The following UHRF2 variants were observed in gnomAD, a reference collection of about 807,000 sequenced individuals.
The protein encoded by UHRF2 is ubiquitin like with PHD and ring finger domains 2.
A neutral mutation model predicts 96.8 loss-of-function variants in UHRF2; 23 were observed. That is an observed-to-expected ratio of 0.24 (90% confidence interval 0.17 to 0.34). UHRF2 has a LOEUF of 0.34. Among genes scored for constraint, UHRF2 ranks in the 10% least tolerant of loss-of-function variants. The pLI, the probability that UHRF2 is intolerant of heterozygous loss-of-function variation, is 1.00. For synonymous variants in UHRF2, 385 were observed against 332.6 expected (o/e 1.16, Z -1.72); for missense variants, 685 against 981.5 (o/e 0.70, Z 4.04).
chr9:6,491,226 CTGTT>C (rs1045980663), intron 9 of UHRF2, among the ~76,000 whole-genome samples: 2 of 152,170 alleles, frequency 1.3e-5, no homozygotes, highest in African/African-American at 4.8e-5. Context: ...AAGCCAGAGT[CTGTT>C]TGGTTTTGTG....
chr9:6,424,691 C>T (rs922653585), intron 2 of UHRF2, among the ~76,000 whole-genome samples: 6 of 150,826 alleles, frequency 4.0e-5, no homozygotes, highest in Non-Finnish European at 8.8e-5. Context: ...CTCATGTCCT[C>T]TTTTTGTTCC....
rs2130983673 is a variant in UHRF2 at position 6,506,014 on chromosome 9, GT to G, written c.2263-14del. The G allele has an allele frequency of 6.2e-7, 1 of 1,613,580 alleles. No individual in the cohort carries two copies. The highest frequency in any genetic ancestry group is 8.5e-7 in the Non-Finnish European group (1 of 1,179,842). On this transcript the variant is annotated intron_variant, in intron 15 of 15. Coordinates refer to ENST00000276893, the MANE Select transcript of UHRF2 (RefSeq NM_152896.3). ...GCTTTATGCTCAGATTAAATTGGAT[GT>G]TTTTGTTTTTACCATAGGATTGCCT...
chr9:6,449,628 T>C (rs1284166322), intron 3 of UHRF2: 1 of 152,260 alleles, frequency 6.6e-6, no homozygotes, highest in Non-Finnish European at 1.5e-5. Context: ...GGGTTGGCCC[T>C]GGCCTGCTGT....
intron 2 of UHRF2, chr9:6,423,114 A>G (rs1440643790): frequency 6.5e-6 from 1 of 152,990 alleles, no homozygotes; most frequent in East Asian, 1.9e-4. Context: ...AAATTACTCA[A>G]GATTATTCAA....
chr9:6,500,085 A>C (rs537534846), intron 13 of UHRF2, among the ~76,000 whole-genome samples, 154 bp downstream of exon 13: 1 of 151,902 alleles, frequency 6.6e-6, no homozygotes, highest in Non-Finnish European at 1.5e-5. Context: ...CGATCCACCT[A>C]CCTCAACCTC....
chr9:6,487,410 A>G (rs1563799541), intron 9 of UHRF2, among the ~76,000 whole-genome samples: 1 of 151,958 alleles, frequency 6.6e-6, no homozygotes, highest in Non-Finnish European at 1.5e-5. Flanking sequence ...CTTGTCACCT[A>G]GACTGGAGTT....
chr9:6,487,182 C>CTTTTTTTTTTT lies in UHRF2; in HGVS notation c.1497+272_1497+282dup, dbSNP rs1171978950. Among the ~76,000 whole-genome samples the CTTTTTTTTTTT allele has an allele frequency of 4.2e-4, 29 of 69,582 alleles. 1 individual carries two copies. Among genetic ancestry groups the CTTTTTTTTTTT allele is most frequent in the South Asian group, 1.3e-3 (2 of 1,500 alleles). 45.6% of individuals were successfully genotyped at this position (69,582 alleles called of 152,430 possible). On this transcript the variant is annotated intron_variant, in intron 9 of 15. Coordinates refer to ENST00000276893, the MANE Select transcript of UHRF2 (RefSeq NM_152896.3). ...TCTATAGAGCTTTTATTTTTTTTTC[C>CTTTTTTTTTTT]TTTTTTTTTTTTTTTTTTTTTTTTT...
rs745949113 is a variant in UHRF2 at position 6,460,672 on chromosome 9, A to C, written c.744A>C (p.Val248=). Residue 248 remains valine, a synonymous_variant, in exon 4 of 16, where the codon GTA becomes GTC. Coordinates refer to ENST00000276893, the MANE Select transcript of UHRF2 (RefSeq NM_152896.3). ...KWNELNVGDV[V]MVNYNVESPG... The stretch of plus-strand genomic sequence containing the variant: ...ATGAACTAAATGTTGGTGATGTGGT[A>C]ATGGTTAATTATAATGTAGAAAGTC... 2.5e-6 allele frequency: 4 copies of C among 1,613,796 alleles called. No individual in the cohort carries two copies. The Admixed American group carries it at 6.7e-5, about 27-fold the overall frequency.
intron 6 of UHRF2, 135 bp downstream of exon 6, chr9:6,477,943 C>A: frequency 1.4e-6 from 1 of 697,752 alleles, no homozygotes; most frequent in Non-Finnish European, 2.3e-6. Context: ...GGTTACTTAG[C>A]ATTCATAGCT....
chr9:6,441,638 TTAAC>T (rs1269233505), intron 3 of UHRF2, among the ~76,000 whole-genome samples: 1 of 152,078 alleles, frequency 6.6e-6, no homozygotes, highest in African/African-American at 2.4e-5. Flanking sequence ...ATATGACAGT[TTAAC>T]TAAATATATT....
intron 6 of UHRF2, 140 bp downstream of exon 6, chr9:6,477,948 A>G (rs906278733): frequency 8.8e-6 from 6 of 680,656 alleles, no homozygotes; most frequent in Admixed American, 6.5e-5. Context: ...CTTAGCATTC[A>G]TAGCTCTATT....
chr9:6,451,773 T>TTTGTTGTTGTTG (rs1168664809), intron 3 of UHRF2, among the ~76,000 whole-genome samples: 71,932 of 148,634 alleles, frequency 0.48, 18,384 homozygotes, highest in East Asian at 0.57. Context: ...GCCCGGCCTG[T>TTTGTTGTTGTTG]TTGTTGTTGT....
chr9:6,413,775 C>A (rs898786609), intron 1 of UHRF2, 132 bp downstream of exon 1: 15 of 1,187,128 alleles, frequency 1.3e-5, no homozygotes, highest in Non-Finnish European at 1.6e-5. Flanking sequence ...GTGGGCAGCC[C>A]CCGCGAGGCG....
chr9:6,416,188 C>G (rs1002170970), intron 1 of UHRF2, among the ~76,000 whole-genome samples: 1 of 152,142 alleles, frequency 6.6e-6, no homozygotes, highest in African/African-American at 2.4e-5. Context: ...CGCAGTCTCC[C>G]AAGTAGCTGG....
At chr9:6,487,177 T>TATTTTTTATTTTTATTTTTTA (rs371548870) in intron 9 of UHRF2, among the ~76,000 whole-genome samples, 1 of 144,400 alleles carries the variant, frequency 6.9e-6, no homozygotes, top group African/African-American at 2.6e-5. Context: ...TTTTATTTTT[T>TATTTTTTATTTTTATTTTTTA]TTTCCTTTTT....
intron 3 of UHRF2, among the ~76,000 whole-genome samples, chr9:6,443,523 A>G (rs1436214734): frequency 6.6e-6 from 1 of 152,186 alleles, no homozygotes; most frequent in Non-Finnish European, 1.5e-5. Context: ...GTAAAACACC[A>G]TCTATCTATA....
intron 3 of UHRF2, among the ~76,000 whole-genome samples, chr9:6,446,897 T>C (rs1392107072): frequency 6.6e-6 from 1 of 151,804 alleles, no homozygotes; most frequent in Non-Finnish European, 1.5e-5. Context: ...TTTGGCATAC[T>C]TTTTGTTTTG....
intron 2 of UHRF2, among the ~76,000 whole-genome samples, chr9:6,428,737 C>A (rs996532091): frequency 6.6e-6 from 1 of 151,928 alleles, no homozygotes; most frequent in African/African-American, 2.4e-5. Context: ...TTCGTAGAGA[C>A]AGAGTTTCAC....
chr9:6,472,179 CCTT>C (rs1315811353), intron 4 of UHRF2, among the ~76,000 whole-genome samples: 1 of 152,152 alleles, frequency 6.6e-6, no homozygotes, highest in Non-Finnish European at 1.5e-5. Flanking sequence ...CACTGATTGG[CCTT>C]CTATCAGATT....
Sources: gnomAD v4.1 joint callset for allele counts (sites outside exome capture counted in the v4.1 genomes callset) on GRCh38, gnomAD v4.1.1 for gene constraint, MANE v1.5 for transcripts, NCBI Gene and HGNC (gene_info 2026-07-23, HGNC 2026-07-21) for gene names.